The following SHC1 variants were observed in gnomAD, a reference collection of about 807,000 sequenced individuals.
The protein encoded by SHC1 is SHC-transforming protein 1.
Under a neutral mutation model 55.9 loss-of-function variants are expected in SHC1, and 30 were observed. The ratio of observed to expected loss-of-function variants is 0.54; its 90% CI spans 0.40 to 0.73. The LOEUF (loss-of-function observed/expected upper bound fraction) is 0.73. Ranked by LOEUF, SHC1 falls within the 30% of genes least tolerant of loss-of-function variation. The pLI is 0.00. For missense variants in SHC1, 675 were observed against 777.1 expected (o/e 0.87, Z 1.56); for synonymous variants, 309 against 306.1 (o/e 1.01, Z -0.10).
chr1:154,973,876 G>A (rs937783990), upstream of SHC1, among the ~76,000 whole-genome samples: 1 of 152,162 alleles, frequency 6.6e-6, no homozygotes, highest in African/African-American at 2.4e-5. Context: ...CAACAAATTC[G>A]AATCGTTCTT....
chr1:154,965,949 T>C lies in SHC1; in HGVS notation c.1384A>G (p.Met462Val). 4 of 1,610,348 alleles carry C rather than the reference T, an allele frequency of 2.5e-6. No individual in the cohort carries two copies. The highest frequency in any genetic ancestry group is 1.1e-5 in the South Asian group (1 of 90,850). ...GAGGAGAGAGACGAGCACTCACTCATGTCAAACAGGTCCCGGGGTGCACTG... is the reference window on the plus strand; with the variant it reads ...GAGGAGAGAGACGAGCACTCACTCACGTCAAACAGGTCCCGGGGTGCACTG... The part of the protein sequence containing the change: ...NGSAPRDLFD[M>V]KPFEDALRVP... Residue 462 changes from methionine to valine, a missense_variant, in exon 10 of 12, where the codon ATG becomes GTG. Met to Val is a conservative substitution (Grantham distance 21, BLOSUM62 1). Coordinates refer to ENST00000448116, the MANE Select transcript of SHC1 (RefSeq NM_001130040.2).
In SHC1 at chr1:154,962,501, G is replaced by T. The variant is rs141898554; in HGVS notation, c.*1302C>A. 176 of 152,670 alleles carry T rather than the reference G, an allele frequency of 1.2e-3. 1 individual carries two copies. Among genetic ancestry groups the T allele is most frequent in the African/African-American group, 4.0e-3 (168 of 41,562 alleles). 9.5% of individuals were successfully genotyped at this position (152,670 alleles called of 1,614,324 possible). A position where few individuals can be genotyped will look rare whatever the true frequency, so the allele number is the denominator to read the frequency against. On this transcript the variant is annotated 3_prime_UTR_variant, in exon 12 of 12. Coordinates refer to ENST00000448116, the MANE Select transcript of SHC1 (RefSeq NM_001130040.2). ...GGCCTGTAGAAGGTACTCAGGAACTGCAGGTTTTGCGTTTCCCCTCCATGA... is the reference window on the plus strand; with the variant it reads ...GGCCTGTAGAAGGTACTCAGGAACTTCAGGTTTTGCGTTTCCCCTCCATGA...
At chr1:154,967,179 TGGGGG>T (rs1558055827) in intron 7 of SHC1, among the ~76,000 whole-genome samples, 90 of 71,628 alleles carry the variant, frequency 1.3e-3, no homozygotes, top group African/African-American at 4.6e-3. Context: ...TGTAGGGGGG[TGGGGG>T]GCCGGGGGAG....
Position 154,967,808 on chromosome 1 carries a change from A to T in SHC1, c.857-11T>A. ...CCAGAATGTGGCAGGCTGAGGGCAC[A>T]GCAGAGGCTGTCAGTGAGCTGAGCC... is the stretch of plus-strand genomic sequence containing the variant. On this transcript the variant is annotated splice_polypyrimidine_tract_variant and intron_variant, in intron 6 of 11. Coordinates refer to ENST00000448116, the MANE Select transcript of SHC1 (RefSeq NM_001130040.2). 6.2e-7 allele frequency: 1 copy of T among 1,613,732 alleles called. No individual in the cohort carries two copies. Among genetic ancestry groups the T allele is most frequent in the Non-Finnish European group, 8.5e-7 (1 of 1,179,708 alleles).
chr1:154,963,814 G>C lies in SHC1; in HGVS notation c.1744C>G (p.Arg582Gly), dbSNP rs748705236. 3 of 1,613,936 alleles carry C rather than the reference G, an allele frequency of 1.9e-6. No individual in the cohort carries two copies. The Admixed American group carries it at 5.0e-5, about 27-fold the overall frequency. Residue 582 changes from arginine to glycine, a missense_variant, in exon 12 of 12, where the codon CGG becomes GGG. Arg to Gly is a moderately radical substitution (Grantham distance 125, BLOSUM62 -2). This residue lies in a region of SHC1 where 360 missense variants were observed against 371.1 expected (regional missense o/e 0.97). Coordinates refer to ENST00000448116, the MANE Select transcript of SHC1 (RefSeq NM_001130040.2). ...SELCLQQPVE[R>G]KL ...AGCGCTAGGGCAGATCACAGTTTCC[G>C]CTCCACAGGTTGCTGTAGACACAGT...
rs147787659 is a variant in SHC1 at position 154,964,011 on chromosome 1, AAC to A, written c.1627-82_1627-81del. 5.0e-3 allele frequency: 7,447 copies of A among 1,493,744 alleles called. 295 individuals are homozygous for A. The African/African-American group carries it at 0.088, about 18-fold the overall frequency. The allele number at this position is 1,493,744 out of a possible 1,614,324, so 92.5% of individuals were successfully genotyped here. A position where few individuals can be genotyped will look rare whatever the true frequency, so the allele number is the denominator to read the frequency against. On this transcript the variant is annotated intron_variant, in intron 11 of 11. Transcript: ENST00000448116. ...CAGCCTCCAAGGTGGAAGAGGGTGA[AAC>A]AGACAAGAGGCTTGAAGGAGGAGAA...
At chr1:154,968,169 T>G (rs1212564852) in intron 5 of SHC1, 35 bp downstream of exon 5, 8 of 1,609,642 alleles carry the variant, frequency 5.0e-6, no homozygotes, top group South Asian at 4.4e-5. Context: ...CCCCTTGCTC[T>G]TCTCCCACCG....
intron 10 of SHC1, 34 bp downstream of exon 10, chr1:154,965,912 T>C: frequency 2.5e-6 from 4 of 1,591,868 alleles, no homozygotes; most frequent in Non-Finnish European, 2.6e-6. Flanking sequence ...AGTAGAAAGG[T>C]GGGGATGCAG....
chr1:154,969,814 G>T (rs2102144139), intron 1 of SHC1, among the ~76,000 whole-genome samples: 1 of 151,918 alleles, frequency 6.6e-6, no homozygotes, highest in Non-Finnish European at 1.5e-5. Context: ...AGCATGCCAG[G>T]GTGGGGGTGG....
At chr1:154,964,780 T>C (rs902174061) in intron 11 of SHC1, among the ~76,000 whole-genome samples, 1 of 152,204 alleles carries the variant, frequency 6.6e-6, no homozygotes, top group African/African-American at 2.4e-5. Context: ...AAGGAAAGTT[T>C]TGAAGAACAG....
At position 154,967,736 on chromosome 1, in the gene SHC1, C is replaced by T. The variant is rs1415204262; in HGVS notation, c.918G>A (p.Gln306=). 1 of 1,614,086 alleles carries T rather than the reference C, an allele frequency of 6.2e-7. No homozygotes were observed. The highest frequency in any genetic ancestry group is 1.1e-5 in the South Asian group (1 of 91,080). Residue 306 remains glutamine (Q), a synonymous_variant, in exon 7 of 12, where the codon CAG becomes CAA. Coordinates refer to ENST00000448116, the MANE Select transcript of SHC1 (RefSeq NM_001130040.2). The stretch of plus-strand genomic sequence containing the variant: ...ATTGTTTGAAGCGCAACTCGAAGGC[C>T]TGGCCAATGGTGCTGATGACATCCT... The part of the protein sequence containing the change: ...LAQDVISTIG[Q]AFELRFKQYL...
upstream of SHC1, chr1:154,973,490 G>A (rs1406801297): frequency 1.5e-5 from 2 of 130,206 alleles, no homozygotes; most frequent in Admixed American, 9.0e-5. Context: ...CAGCCTGGAC[G>A]ATAAGAGCGA....
chr1:154,964,291 T>C, intron 11 of SHC1: 1 of 474,152 alleles, frequency 2.1e-6, no homozygotes. Flanking sequence ...ATCCCAGCAC[T>C]CTGGGAGGCC....
intron 11 of SHC1, 62 bp from the exon 12 acceptor site, chr1:154,963,993 CA>C: frequency 6.3e-7 from 1 of 1,583,360 alleles, no homozygotes; most frequent in Admixed American, 1.7e-5. Context: ...CCTCAGCCTC[CA>C]AGGTGGAAGA....
rs1656552663 is a variant in SHC1 at position 154,970,093 on chromosome 1, G to A, written c.434C>T (p.Thr145Met). The A allele has an allele frequency of 1.2e-6, 2 of 1,613,990 alleles. No homozygotes were observed. Among genetic ancestry groups the A allele is most frequent in the Non-Finnish European group, 1.7e-6 (2 of 1,179,988 alleles). ...GTCGTTGGGATGCAGCCAGCCCCGC[G>A]TGGGCTTATTGACAAAGCTCCCGTG... ...TRHGSFVNKP[T>M]RGWLHPNDKV... is the part of the protein sequence containing the mutation. The change falls in exon 1 of 12, where the codon ACG (threonine) becomes ATG (methionine). Residue 145 changes from threonine (T) to methionine (M), a missense_variant. Coordinates refer to ENST00000448116, the MANE Select transcript of SHC1 (RefSeq NM_001130040.2). This position sits in a 1 kb window ranked among gnomAD's most constrained non-coding sequence, Gnocchi z 5.5.
chr1:154,963,860 G>A lies in SHC1; in HGVS notation c.1698C>T (p.Pro566=), dbSNP rs1385102325. Residue 566 remains proline, a synonymous_variant, in exon 12 of 12, where the codon CCC becomes CCT. Coordinates refer to ENST00000448116, the MANE Select transcript of SHC1 (RefSeq NM_001130040.2). ...ACAGTTCGCTGCCCGCAGAGATGAT[G>A]GGCAAGTGATTGTCCATGTGGTAGC... ...LISYHMDNHL[P]IISAGSELCL... is the part of the protein sequence containing the mutation. The A allele has an allele frequency of 1.2e-6, 2 of 1,614,144 alleles. No individual in the cohort carries two copies. Among genetic ancestry groups the A allele is most frequent in the South Asian group, 1.1e-5 (1 of 91,082 alleles).
In SHC1 at chr1:154,963,058, G is replaced by C. The variant is rs555593063; in HGVS notation, c.*745C>G. The C allele has an allele frequency of 1.3e-5, 2 of 152,918 alleles. No individual in the cohort carries two copies. Among genetic ancestry groups the C allele is most frequent in the East Asian group, 3.8e-4 (2 of 5,296 alleles). 9.5% of individuals were successfully genotyped at this position (152,918 alleles called of 1,614,324 possible). On this transcript the variant is annotated 3_prime_UTR_variant, in exon 12 of 12. Coordinates refer to ENST00000448116, the MANE Select transcript of SHC1 (RefSeq NM_001130040.2). ...GTACATAGGCATGCAACATGGGAGG[G>C]CAGGCCTTATGAAATGTATATACAG... is the stretch of plus-strand genomic sequence containing the variant.
chr1:154,969,769 TATTAA>T (rs1656498888), intron 1 of SHC1, among the ~76,000 whole-genome samples: 1 of 147,142 alleles, frequency 6.8e-6, no homozygotes, highest in Non-Finnish European at 1.5e-5. Context: ...TTCCAACACT[TATTAA>T]GAGCTTCTGC....
At chr1:154,965,512 C>T in intron 11 of SHC1, 31 bp downstream of exon 11, 2 of 1,614,000 alleles carry the variant, frequency 1.2e-6, no homozygotes, top group Non-Finnish European at 1.7e-6. Context: ...TCCTTTTTGC[C>T]ACCCCTCACC....
Sources: gnomAD v4.1 joint callset for allele counts (sites outside exome capture counted in the v4.1 genomes callset) on GRCh38, gnomAD v4.1.1 for gene constraint, gnomAD v4.1.1 regional missense constraint, Gnocchi (gnomAD v3.1) non-coding constraint, MANE v1.5 for transcripts, NCBI Gene and HGNC (gene_info 2026-07-23, HGNC 2026-07-21) for gene names.